The following OC90 variants were observed in gnomAD, a reference collection of about 807,000 sequenced individuals.
OC90 encodes otoconin 90.
Under a neutral mutation model 47.3 loss-of-function variants are expected in OC90, and 46 were observed. That is an observed-to-expected ratio of 0.97 (90% CI 0.77 to 1.24). OC90 has a LOEUF of 1.24. Among genes scored for constraint, OC90 ranks in the 50% most tolerant of loss-of-function variants. The probability of loss-of-function intolerance (pLI) is 0.00; values close to 1 mark genes in which losing one functional copy is unlikely to be tolerated. For synonymous variants in OC90, 271 were observed against 219.5 expected (o/e 1.23, Z -2.07); for missense variants, 688 against 583.9 (o/e 1.18, Z -1.84).
At chr8:132,039,155 A>T in intron 6 of OC90, 32 bp from the exon 7 acceptor site, 1 of 1,569,648 alleles carries the variant, frequency 6.4e-7, no homozygotes, top group Admixed American at 1.9e-5. Flanking sequence ...CCAATTGGAA[A>T]GATCTCAGCT....
At chr8:132,046,879 G>C (rs937533260) in intron 2 of OC90, among the ~76,000 whole-genome samples, 1 of 152,150 alleles carries the variant, frequency 6.6e-6, no homozygotes, top group African/African-American at 2.4e-5. Flanking sequence ...ATGCCCCCAG[G>C]TGGTGTCTGA....
In OC90 at chr8:132,041,540, A is replaced by G. The variant is rs1407283244; in HGVS notation, c.329T>C (p.Val110Ala). 1 of 1,611,628 alleles carries G rather than the reference A, an allele frequency of 6.2e-7. No homozygotes were observed. The highest frequency in any genetic ancestry group is 2.2e-5 in the East Asian group (1 of 44,784). ...ACTCACTTACCTGTCAGATTCATCC[A>G]CAGGCAACCCTTCCATCTCAAACCT... ...TCRFEMEGLP[V>A]DESDSCCFQH... The change falls in exon 5 of 14, where the codon GTG becomes GCG. Residue 110 changes from valine to alanine, a missense_variant. Coordinates refer to ENST00000254627, the MANE Select transcript of OC90 (RefSeq NM_001080399.3).
intron 2 of OC90, among the ~76,000 whole-genome samples, chr8:132,052,456 C>T (rs372331779): frequency 3.9e-5 from 6 of 152,212 alleles, no homozygotes; most frequent in African/African-American, 1.4e-4. Flanking sequence ...CTTTGTGCAA[C>T]TGATAATTAA....
At chr8:132,026,815 A>G (rs1450188988) in intron 13 of OC90, among the ~76,000 whole-genome samples, 1 of 152,096 alleles carries the variant, frequency 6.6e-6, no homozygotes, top group Non-Finnish European at 1.5e-5. Context: ...CATCCCCTAT[A>G]GGAAAAAATG....
rs1257628043 is a variant in OC90, at chr8:132,031,987, C to T, written c.925G>A (p.Gly309Arg). 1 of 1,613,858 alleles carries T rather than the reference C, an allele frequency of 6.2e-7. No individual in the cohort carries two copies. Among genetic ancestry groups the T allele is most frequent in the African/African-American group, 1.3e-5 (1 of 74,948 alleles). Residue 309 changes from glycine to arginine, a missense_variant, in exon 12 of 14, where the codon GGA becomes AGA. Transcript: ENST00000254627. ...GATGTCAGACAAAAGAGCATCTCTC[C>T]AAGCTGTGGCATCACCTGCATGTTG... ...GDNMQVMPQLGEMLFCLTSRC... is the reference protein window; with the variant it reads ...GDNMQVMPQLREMLFCLTSRC...
intron 9 of OC90, among the ~76,000 whole-genome samples, chr8:132,037,140 G>A (rs547232110): frequency 6.6e-4 from 100 of 152,342 alleles, no homozygotes; most frequent in African/African-American, 2.3e-3. Flanking sequence ...TAGCAGAGCT[G>A]AGCAACTGTG....
At position 132,045,761 on chromosome 8, in the gene OC90, C is replaced by T. The variant is rs975313330; in HGVS notation, c.112+57G>A. On this transcript the variant is annotated intron_variant, in intron 3 of 13. Transcript: ENST00000254627. ...TATTCAGAAGGGATCATTTTCTCTG[C>T]CAATATCCTAGACAACTTTCTACTC... The T allele has an allele frequency of 5.4e-5, 53 of 973,012 alleles. 2 individuals carry two copies. The highest frequency in any genetic ancestry group is 4.7e-4 in the African/African-American group (29 of 62,046). 60.3% of individuals were successfully genotyped at this position (973,012 alleles called of 1,614,324 possible).
intron 9 of OC90, among the ~76,000 whole-genome samples, chr8:132,037,032 G>T (rs1406588337): frequency 2.6e-5 from 4 of 152,224 alleles, no homozygotes; most frequent in Non-Finnish European, 5.9e-5. Context: ...ATTAGTGAAT[G>T]ATAGACTAGC....
intron 2 of OC90, among the ~76,000 whole-genome samples, chr8:132,049,635 G>T (rs1823186640): frequency 6.6e-6 from 1 of 152,154 alleles, no homozygotes; most frequent in South Asian, 2.1e-4. Flanking sequence ...AACATGGATA[G>T]TATTTTGTAA....
intron 2 of OC90, among the ~76,000 whole-genome samples, chr8:132,054,587 A>G (rs1219145316): frequency 2.0e-5 from 3 of 152,172 alleles, no homozygotes; most frequent in African/African-American, 7.2e-5. Context: ...CCTTGAAAAA[A>G]TTGGGGCTGC....
intron 2 of OC90, chr8:132,049,821 C>T (rs774479170): frequency 2.3e-5 from 12 of 517,424 alleles, no homozygotes; most frequent in Middle Eastern, 3.2e-4. Flanking sequence ...GCCATGGCCA[C>T]GTGACATGGC....
chr8:132,037,324 G>T, intron 9 of OC90, 114 bp downstream of exon 9: 1 of 856,916 alleles, frequency 1.2e-6, no homozygotes, highest in South Asian at 1.4e-5. Flanking sequence ...CCATCCCTTC[G>T]GTGCTGTTCT....
At chr8:132,050,455 G>C (rs563426998) in intron 2 of OC90, among the ~76,000 whole-genome samples, 10 of 152,260 alleles carry the variant, frequency 6.6e-5, no homozygotes, top group South Asian at 2.1e-4. Flanking sequence ...CTCTAAGTAA[G>C]ATCCCAGGGA....
intron 8 of OC90, among the ~76,000 whole-genome samples, chr8:132,038,421 CTTAG>C (rs1359420830): frequency 6.6e-6 from 1 of 152,164 alleles, no homozygotes; most frequent in Admixed American, 6.5e-5. Context: ...CAGGAGCTTA[CTTAG>C]TTAGGAGAGA....
intron 2 of OC90, among the ~76,000 whole-genome samples, chr8:132,048,722 C>G (rs1271461575): frequency 6.6e-6 from 1 of 151,584 alleles, no homozygotes; most frequent in Non-Finnish European, 1.5e-5. Context: ...TCCCCACTCC[C>G]CCCTGTTTTA....
In OC90 at chr8:132,058,886, T is replaced by A. The variant is rs188055973; in HGVS notation, c.-48+455A>T. Reference sequence around the variant, plus strand: ...CAGGTGCTCTCTGTCTGGCATTGCATCTTTTCACAGATCGACTCAGAGCAA... The same window carrying A: ...CAGGTGCTCTCTGTCTGGCATTGCAACTTTTCACAGATCGACTCAGAGCAA... On this transcript the variant is annotated intron_variant, in intron 1 of 13. Transcript: ENST00000254627. 2.6e-5 allele frequency among the ~76,000 whole-genome samples: 4 copies of A among 152,240 alleles called. No homozygotes were observed. In the East Asian group the frequency reaches 7.7e-4, roughly 29 times the overall value.
intron 6 of OC90, among the ~76,000 whole-genome samples, chr8:132,040,499 C>T (rs1328529001): frequency 6.6e-6 from 1 of 152,100 alleles, no homozygotes; most frequent in South Asian, 2.1e-4. Context: ...GCAAATAAGG[C>T]GGGAACTGAG....
At chr8:132,027,904 A>G (rs759925697) in intron 13 of OC90, among the ~76,000 whole-genome samples, 2 of 152,222 alleles carry the variant, frequency 1.3e-5, no homozygotes, top group South Asian at 2.1e-4. Flanking sequence ...GTGAAGAATC[A>G]GCTTTAGTTC....
intron 8 of OC90, 148 bp from the exon 9 acceptor site, chr8:132,037,636 T>C (rs1217013927): frequency 4.3e-6 from 3 of 696,236 alleles, no homozygotes; most frequent in Non-Finnish European, 5.1e-6. Flanking sequence ...GTTCATCCTG[T>C]CTTAGGAGTC....
Sources: gnomAD v4.1 joint callset for allele counts (sites outside exome capture counted in the v4.1 genomes callset) on GRCh38, gnomAD v4.1.1 for gene constraint, MANE v1.5 for transcripts, NCBI Gene and HGNC (gene_info 2026-07-23, HGNC 2026-07-21) for gene names.